The following EDA variants were observed in gnomAD, a reference collection of about 807,000 sequenced individuals.
EDA encodes the protein ectodysplasin A.
EDA carries 2 observed loss-of-function variants against 23.6 expected under a neutral mutation model. The ratio of observed to expected loss-of-function variants is 0.08; its 90% CI spans 0.03 to 0.27. The LOEUF (loss-of-function observed/expected upper bound fraction) is 0.27, where lower values mean the gene tolerates loss of function less well. EDA is among the 10% of genes least tolerant of loss of function. The pLI is 1.00. For missense variants in EDA, 229 were observed against 324.2 expected, an observed-to-expected ratio of 0.71 and a Z score of 2.26; for synonymous variants, 131 against 132.0, an observed-to-expected ratio of 0.99 and a Z score of 0.05.
At chrX:69,949,481 G>A (rs1021802651) in intron 1 of EDA, among the ~76,000 whole-genome samples, 1 of 111,484 alleles carries the variant, frequency 9.0e-6, no homozygotes. Flanking sequence ...GAAGGGTAAG[G>A]CCTAGGATTC....
At chrX:70,031,132 C>A in intron 6 of EDA, among the ~76,000 whole-genome samples, 1 of 112,510 alleles carries the variant, frequency 8.9e-6, no homozygotes, top group Non-Finnish European at 1.9e-5. Context: ...CTTTAGAGTT[C>A]TCAGCATACT....
intron 1 of EDA, among the ~76,000 whole-genome samples, chrX:69,627,390 A>G (rs1454562301): frequency 1.8e-5 from 2 of 110,939 alleles, no homozygotes; most frequent in African/African-American, 6.6e-5. Flanking sequence ...AATTTTTTTC[A>G]GAATTGTAGG....
chrX:69,878,272 G>A (rs116438948), intron 1 of EDA, among the ~76,000 whole-genome samples: 1 of 112,253 alleles, frequency 8.9e-6, no homozygotes, highest in Non-Finnish European at 1.9e-5. Context: ...GGTCACCCCC[G>A]CAGGGTTCCC....
At chrX:69,838,769 A>G (rs760359915) in intron 1 of EDA, among the ~76,000 whole-genome samples, 4 of 112,544 alleles carry the variant, frequency 3.6e-5, no homozygotes, top group African/African-American at 1.3e-4. Context: ...CCAAAGGAAT[A>G]TATCTCTTTT....
At chrX:69,758,530 A>G (rs1457355173) in intron 1 of EDA, among the ~76,000 whole-genome samples, 1 of 112,563 alleles carries the variant, frequency 8.9e-6, no homozygotes, top group Non-Finnish European at 1.9e-5. Context: ...CTTAAGTACA[A>G]ACTTAAAGAA....
intron 1 of EDA, among the ~76,000 whole-genome samples, chrX:69,889,026 T>G (rs2017883251): frequency 2.6e-5 from 1 of 37,913 alleles, no homozygotes; most frequent in African/African-American, 8.7e-5. Flanking sequence ...ATATATTATG[T>G]TTTTCCACAG....
Position 69,787,657 on chromosome X carries a change from A to G in EDA, c.397-169370A>G, listed in dbSNP as rs1449521527. Among the ~76,000 whole-genome samples, 12 of 111,358 alleles carry G rather than the reference A, an allele frequency of 1.1e-4. No homozygotes were observed. In the Admixed American group the frequency reaches 1.1e-3, roughly 11 times the overall value. ...TGGCTTGTAGAGTTTCTGCCGAGAG[A>G]TCCGTTGTTAGCCTGATGGGCTTCC... On this transcript the variant is annotated intron_variant, in intron 1 of 7. Transcript: ENST00000374552.
chrX:69,691,937 T>C (rs191822451), intron 1 of EDA, among the ~76,000 whole-genome samples: 79 of 112,116 alleles, frequency 7.0e-4, no homozygotes, highest in African/African-American at 2.4e-3. Flanking sequence ...ATTCTCTCTT[T>C]CCTAAGTATC....
rs768678096 is a variant in EDA, at chrX:69,789,941, G to A, written c.397-167086G>A. On this transcript the variant is annotated intron_variant, in intron 1 of 7. Transcript: ENST00000374552. ...AAATAATGTATTAAAGTTGAATCTAGCATGAACTTAGATTTCTGATTCCCA... is the reference window on the plus strand; with the variant it reads ...AAATAATGTATTAAAGTTGAATCTAACATGAACTTAGATTTCTGATTCCCA... Among the ~76,000 whole-genome samples the A allele has an allele frequency of 7.2e-5, 8 of 111,888 alleles. No individual in the cohort carries two copies. The South Asian group carries it at 3.0e-3, about 41-fold the overall frequency.
intron 1 of EDA, among the ~76,000 whole-genome samples, chrX:69,822,167 C>A (rs1337041423): frequency 9.1e-6 from 1 of 110,497 alleles, no homozygotes; most frequent in African/African-American, 3.3e-5. Context: ...CGCCTGTAGT[C>A]CTAGCTACTT....
intron 1 of EDA, among the ~76,000 whole-genome samples, chrX:69,701,069 G>A (rs1268382438): frequency 9.0e-6 from 1 of 111,501 alleles, no homozygotes; most frequent in Non-Finnish European, 1.9e-5. Context: ...GACTAGGTGG[G>A]TCCTGAAAAA....
In EDA at chrX:69,682,477, C is replaced by T. The variant is rs1169210698; in HGVS notation, c.396+65773C>T. ...GCTGTGCTATCAATCAGCGAGACTC[C>T]GTGGACGTAGGACACTCCAAGCCAG... is the stretch of plus-strand genomic sequence containing the variant. On this transcript the variant is annotated intron_variant, in intron 1 of 7. Transcript: ENST00000374552. Among the ~76,000 whole-genome samples, 4 of 112,272 alleles carry T rather than the reference C, an allele frequency of 3.6e-5. No homozygotes were observed. In the South Asian group the frequency reaches 1.5e-3, roughly 41 times the overall value.
intron 1 of EDA, among the ~76,000 whole-genome samples, chrX:69,731,873 A>G (rs1249624731): frequency 8.9e-6 from 1 of 111,994 alleles, no homozygotes; most frequent in Non-Finnish European, 1.9e-5. Flanking sequence ...TTTCGCCATT[A>G]AATATCATGT....
chrX:69,876,436 T>TA (rs1237872303), intron 1 of EDA, among the ~76,000 whole-genome samples: 1 of 109,595 alleles, frequency 9.1e-6, no homozygotes, highest in African/African-American at 3.3e-5. Context: ...AATAATACAA[T>TA]AAAAAATAAT....
At chrX:69,815,278 C>A (rs1238554853) in intron 1 of EDA, among the ~76,000 whole-genome samples, 2 of 111,779 alleles carry the variant, frequency 1.8e-5, no homozygotes, top group South Asian at 7.5e-4. Context: ...CACAGTACAG[C>A]TGCCTTGCCA....
intron 3 of EDA, among the ~76,000 whole-genome samples, chrX:70,024,930 C>T (rs2020088009): frequency 1.8e-5 from 2 of 111,985 alleles, no homozygotes; most frequent in Non-Finnish European, 3.8e-5. Context: ...GCTTTTATAT[C>T]ATGAGGTGTT....
chrX:69,675,845 T>C (rs182863329), intron 1 of EDA, among the ~76,000 whole-genome samples: 484 of 111,510 alleles, frequency 4.3e-3, no homozygotes, highest in Non-Finnish European at 6.7e-3. Context: ...GATGTGTATG[T>C]ATATGTGCAC....
At chrX:69,626,623 T>C (rs1932394803) in intron 1 of EDA, among the ~76,000 whole-genome samples, 1 of 111,493 alleles carries the variant, frequency 9.0e-6, no homozygotes, top group South Asian at 3.8e-4. Flanking sequence ...ATTAGATTAC[T>C]GGATGCCTGG....
chrX:69,795,050 G>A (rs763267813), intron 1 of EDA, among the ~76,000 whole-genome samples: 1 of 111,431 alleles, frequency 9.0e-6, no homozygotes, highest in Non-Finnish European at 1.9e-5. Context: ...TAGAGTTGGG[G>A]TCTTGCTCCG....
Sources: gnomAD v4.1 joint callset for allele counts (sites outside exome capture counted in the v4.1 genomes callset) on GRCh38, gnomAD v4.1.1 for gene constraint, MANE v1.5 for transcripts, NCBI Gene and HGNC (gene_info 2026-07-23, HGNC 2026-07-21) for gene names.